The following ADPRHL1 variants were observed in gnomAD, a reference collection of about 807,000 sequenced individuals.
ADPRHL1 encodes the protein ADP-ribosylhydrolase like 1, also known as inactive ADP-ribosyltransferase ARH2.
A neutral mutation model predicts 44.1 loss-of-function variants in ADPRHL1; 43 were observed. The ratio of observed to expected loss-of-function variants is 0.98; its 90% CI spans 0.76 to 1.26. ADPRHL1 has a LOEUF of 1.26. ADPRHL1 is among the 50% of genes most tolerant of loss of function. The pLI, the probability that ADPRHL1 is intolerant of heterozygous loss-of-function variation, is 0.00. For missense variants in ADPRHL1, 2,022 were observed against 2,496.9 expected (o/e 0.81, Z 4.05); for synonymous variants, 878 against 1,017.4 (o/e 0.86, Z 2.61).
chr13:113,404,557 C>T lies in ADPRHL1; in HGVS notation c.4725G>A (p.Gly1575=), dbSNP rs190520736. The T allele has an allele frequency of 3.1e-4, 402 of 1,300,746 alleles. 2 individuals carry two copies. The highest frequency in any genetic ancestry group is 3.0e-3 in the African/African-American group (194 of 64,328). 80.6% of individuals were successfully genotyped at this position (1,300,746 alleles called of 1,614,324 possible). The change falls in exon 8 of 8, where the codon GGG becomes GGA. Residue 1575 remains glycine (G), a synonymous_variant. Transcript: ENST00000612156. ...CCTGTCCCTGAACCTGTCCCTGGGC[C>T]CCACCCTGAGCTGGTTCCTGTGCCT... ...QGQAQEPAQG[G]AQGQVQGQAQ...
At chr13:113,424,482 T>TCTGGCTCTGTCCC in intron 5 of ADPRHL1, 133 bp from the exon 6 acceptor site, 1 of 1,248,100 alleles carries the variant, frequency 8.0e-7, no homozygotes, top group Non-Finnish European at 1.1e-6. Context: ...TTGAGATGAA[T>TCTGGCTCTGTCCC]CTGGCTCTGT....
chr13:113,445,477 CT>C (rs1445523167), intron 1 of ADPRHL1, among the ~76,000 whole-genome samples: 1 of 152,248 alleles, frequency 6.6e-6, no homozygotes, highest in African/African-American at 2.4e-5. Context: ...GAGGGCGCCC[CT>C]CCCAACGGCC....
Position 113,405,196 on chromosome 13 carries a change from C to A in ADPRHL1, c.4086G>T (p.Thr1362=). Residue 1362 remains threonine (T), a synonymous_variant, in exon 8 of 8, where the codon ACG becomes ACT. Transcript: ENST00000612156. ...GACGCTCCTGGGATTCACCTGCCTG[C>A]GTCCTAGGCTCGGGGACACTGGCCC... is the stretch of plus-strand genomic sequence containing the variant. The part of the protein sequence containing the change: ...KLRASVPEPR[T]QAGESQERPL... 1.6e-6 allele frequency: 2 copies of A among 1,231,906 alleles called. No individual in the cohort carries two copies. The highest frequency in any genetic ancestry group is 4.2e-5 in the Admixed American group (1 of 23,732). 76.3% of individuals were successfully genotyped at this position (1,231,906 alleles called of 1,614,324 possible).
chr13:113,447,258 G>A (rs1358651002), intron 1 of ADPRHL1, among the ~76,000 whole-genome samples: 3 of 124,408 alleles, frequency 2.4e-5, no homozygotes, highest in Admixed American at 7.8e-5. Context: ...CTACACGCAC[G>A]GTGTTGTGTG....
intron 7 of ADPRHL1, among the ~76,000 whole-genome samples, chr13:113,415,317 T>A (rs1019204992): frequency 2.6e-5 from 4 of 151,970 alleles, no homozygotes; most frequent in Non-Finnish European, 5.9e-5. Context: ...CTGGAAAGGG[T>A]TTAACCAAAG....
intron 4 of ADPRHL1, among the ~76,000 whole-genome samples, chr13:113,427,251 G>A (rs1393692982): frequency 1.3e-5 from 2 of 152,252 alleles, no homozygotes; most frequent in African/African-American, 2.4e-5. Context: ...AAAGTTCTGG[G>A]AGAACATTCG....
In ADPRHL1 at chr13:113,425,960, T is replaced by C. The variant is rs1044895797; in HGVS notation, c.647-781A>G. ...CTTCCCAAAGTGCTGGGATTACAGG[T>C]GTGAGCCACCATGCCCAGCCTTTAG... On this transcript the variant is annotated intron_variant, in intron 4 of 7. Transcript: ENST00000612156. Among the ~76,000 whole-genome samples the C allele has an allele frequency of 5.2e-4, 79 of 151,462 alleles. 1 individual carries two copies. Among genetic ancestry groups the C allele is most frequent in the African/African-American group, 1.7e-3 (70 of 41,272 alleles).
Position 113,404,442 on chromosome 13 carries a change from C to T in ADPRHL1, c.4840G>A (p.Gly1614Arg). 1 of 1,319,792 alleles carries T rather than the reference C, an allele frequency of 7.6e-7. No homozygotes were observed. Among genetic ancestry groups the T allele is most frequent in the Non-Finnish European group, 9.6e-7 (1 of 1,042,384 alleles). The allele number at this position is 1,319,792 out of a possible 1,614,324, so 81.8% of individuals were successfully genotyped here. The stretch of plus-strand genomic sequence containing the variant: ...ATCTGGGTCTGCCACTGGGCCTGTC[C>T]CTGAGCCTCTTCCTGGGCCCATTTC... ...VQKWAQEEAQGQAQWQTQIKA... is the reference protein window; with the variant it reads ...VQKWAQEEAQRQAQWQTQIKA... Residue 1614 changes from glycine to arginine, a missense_variant, in exon 8 of 8, where the codon GGA becomes AGA. This residue lies in a region of ADPRHL1 where 78 missense variants were observed against 76.5 expected (regional missense o/e 1.02). Transcript: ENST00000612156.
intron 2 of ADPRHL1, among the ~76,000 whole-genome samples, chr13:113,434,766 ACCCAGGCG>A (rs1420554909): frequency 9.5e-6 from 1 of 105,192 alleles, no homozygotes; most frequent in Non-Finnish European, 2.0e-5. Context: ...GGGACCCAGC[ACCCAGGCG>A]TAGAGTGAAC....
intron 1 of ADPRHL1, among the ~76,000 whole-genome samples, chr13:113,452,645 TTA>T (rs1253202818): frequency 2.8e-4 from 42 of 152,286 alleles, no homozygotes; most frequent in Middle Eastern, 3.4e-3. Context: ...CCAATCAAGT[TTA>T]TGTCATTTTC....
chr13:113,400,169 G>A lies in ADPRHL1; in HGVS notation c.*3209C>T, dbSNP rs9549766. 0.99 allele frequency: 139,396 copies of A among 140,566 alleles called. 69,127 individuals carry two copies. The highest frequency in any genetic ancestry group is 1 in the Middle Eastern group (270 of 270). 8.7% of individuals were successfully genotyped at this position (140,566 alleles called of 1,614,324 possible). A position where few individuals can be genotyped will look rare whatever the true frequency, so the allele number is the denominator to read the frequency against. On this transcript the variant is annotated 3_prime_UTR_variant, in exon 8 of 8. Coordinates refer to ENST00000612156, the MANE Select transcript of ADPRHL1 (RefSeq NM_001394807.1). ...TCTTCTTTTTTTTTTTTTTTTTGAC[G>A]GAGTCTCGCTCTGTCACCCAGGCTG...
intron 7 of ADPRHL1, among the ~76,000 whole-genome samples, chr13:113,418,363 G>T (rs1054578705): frequency 1.3e-5 from 2 of 152,218 alleles, no homozygotes; most frequent in Non-Finnish European, 2.9e-5. Flanking sequence ...CACTTCCTCG[G>T]CTGGGTGCTC....
chr13:113,436,833 C>T (rs574654884), intron 2 of ADPRHL1, among the ~76,000 whole-genome samples: 8 of 46,198 alleles, frequency 1.7e-4, no homozygotes, highest in Admixed American at 2.3e-4. Flanking sequence ...CACCCAGGCG[C>T]AGGGTGAACA....
At position 113,453,314 on chromosome 13, in the gene ADPRHL1, C is replaced by T; in HGVS notation, c.124G>A (p.Gly42Ser). 3 of 1,614,192 alleles carry T rather than the reference C, an allele frequency of 1.9e-6. No homozygotes were observed. The highest frequency in any genetic ancestry group is 2.5e-6 in the Non-Finnish European group (3 of 1,180,052). Residue 42 changes from glycine (G) to serine (S), a missense_variant, in exon 1 of 8, where the codon GGC (glycine) becomes AGC (serine). Physicochemically the swap from Gly to Ser is moderately conservative, Grantham distance 56. Around this residue, in one of 8 missense-constraint regions of ADPRHL1, gnomAD observed 437 missense variants for 430.7 expected, o/e 1.01. Transcript: ENST00000612156. The surrounding 1 kb of genome is among the most constrained non-coding windows in gnomAD (Gnocchi z 5.4). The part of the protein sequence containing the change: ...KIQEELQRSG[G>S]LDHLVLSPGE... ...GGCGAGAGTACGAGGTGGTCCAGGC[C>T]CCCGGAACGTTGCAGCTCCTCCTGG...
Position 113,437,521 on chromosome 13 carries a change from G to A in ADPRHL1, c.380-3654C>T, listed in dbSNP as rs543298592. ...ACTGCTGCGACCGTGCGTGTTACTCGGCGTGTTCCAGGCCCTGTGTAAACA... is the reference window on the plus strand; with the variant it reads ...ACTGCTGCGACCGTGCGTGTTACTCAGCGTGTTCCAGGCCCTGTGTAAACA... On this transcript the variant is annotated intron_variant, in intron 2 of 7. Transcript: ENST00000612156. 6.6e-5 allele frequency among the ~76,000 whole-genome samples: 10 copies of A among 152,348 alleles called. No homozygotes were observed. The South Asian group carries it at 1.0e-3, about 16-fold the overall frequency.
chr13:113,429,167 GC>G, intron 3 of ADPRHL1, 75 bp from the exon 4 acceptor site: 1 of 1,542,070 alleles, frequency 6.5e-7, no homozygotes, highest in Non-Finnish European at 8.8e-7. Flanking sequence ...CCGCCACGCT[GC>G]GTGGGACTCC....
chr13:113,418,406 G>A (rs1210385669), intron 7 of ADPRHL1, among the ~76,000 whole-genome samples: 1 of 152,214 alleles, frequency 6.6e-6, no homozygotes, highest in South Asian at 2.1e-4. Flanking sequence ...AAGTCACCGA[G>A]CCTCCCTGGA....
intron 6 of ADPRHL1, 104 bp from the exon 7 acceptor site, chr13:113,423,083 TG>T: frequency 6.7e-7 from 1 of 1,499,938 alleles, no homozygotes. Context: ...CCAATTCTGC[TG>T]GGGGCAGCTG....
chr13:113,451,733 G>A (rs899192010), intron 1 of ADPRHL1, among the ~76,000 whole-genome samples: 1 of 152,162 alleles, frequency 6.6e-6, no homozygotes, highest in Non-Finnish European at 1.5e-5. Flanking sequence ...ACTTGAACCT[G>A]GGAGGTGGAG....
Sources: gnomAD v4.1 joint callset for allele counts (sites outside exome capture counted in the v4.1 genomes callset) on GRCh38, gnomAD v4.1.1 for gene constraint, gnomAD v4.1.1 regional missense constraint, Gnocchi (gnomAD v3.1) non-coding constraint, MANE v1.5 for transcripts, NCBI Gene and HGNC (gene_info 2026-07-23, HGNC 2026-07-21) for gene names.